PEBP4: variants seen among roughly 807,000 people sequenced by gnomAD.
PEBP4 encodes the protein phosphatidylethanolamine-binding protein 4.
A neutral mutation model predicts 23.9 loss-of-function variants in PEBP4; 22 were observed. The observed-to-expected ratio is 0.92, with a 90% confidence interval of 0.66 to 1.31. The LOEUF is 1.31. Among genes scored for constraint, PEBP4 ranks in the 40% most tolerant of loss-of-function variants. The pLI is 0.00. For missense variants in PEBP4, 324 were observed against 281.7 expected (o/e 1.15, Z -1.07); for synonymous variants, 112 against 99.3 (o/e 1.13, Z -0.76).
At chr8:22,782,610 C>T (rs985123266) in intron 4 of PEBP4, among the ~76,000 whole-genome samples, 1 of 152,200 alleles carries the variant, frequency 6.6e-6, no homozygotes, top group African/African-American at 2.4e-5. Context: ...GAGTTCTTAA[C>T]CCAGGACTCA....
chr8:22,715,280 G>C (rs888192375), intron 6 of PEBP4, among the ~76,000 whole-genome samples: 1 of 152,246 alleles, frequency 6.6e-6, no homozygotes, highest in Non-Finnish European at 1.5e-5. Context: ...AGGAGGCTCA[G>C]TGTCACCTGA....
intron 4 of PEBP4, 43 bp downstream of exon 4, chr8:22,817,594 T>C (rs1041534855): frequency 1.3e-6 from 2 of 1,560,820 alleles, no homozygotes; most frequent in South Asian, 1.1e-5. Context: ...ATCTTCCAGA[T>C]ACAACCCCAA....
At chr8:22,743,530 GC>G (rs1471986153) in intron 4 of PEBP4, among the ~76,000 whole-genome samples, 1 of 152,214 alleles carries the variant, frequency 6.6e-6, no homozygotes, top group African/African-American at 2.4e-5. Context: ...CCAGACCACA[GC>G]TGTTTGGAGT....
intron 3 of PEBP4, among the ~76,000 whole-genome samples, chr8:22,848,090 C>G (rs919322149): frequency 6.6e-6 from 1 of 152,156 alleles, no homozygotes; most frequent in Non-Finnish European, 1.5e-5. Context: ...TTTTATGCCT[C>G]ATTACCTGCA....
intron 6 of PEBP4, among the ~76,000 whole-genome samples, chr8:22,716,475 G>A (rs1330322032): frequency 1.3e-5 from 2 of 152,234 alleles, no homozygotes; most frequent in East Asian, 3.8e-4. Flanking sequence ...GGGGAAAGAT[G>A]TCCCCTGTCT....
chr8:22,748,412 C>G (rs559017552), intron 4 of PEBP4, among the ~76,000 whole-genome samples: 1 of 151,948 alleles, frequency 6.6e-6, no homozygotes, highest in Non-Finnish European at 1.5e-5. Context: ...TGCTGGGTCA[C>G]AGAACCCGCC....
intron 3 of PEBP4, among the ~76,000 whole-genome samples, chr8:22,905,613 G>A (rs186867944): frequency 9.5e-4 from 145 of 152,284 alleles, no homozygotes; most frequent in African/African-American, 3.2e-3. Flanking sequence ...TAAGCCACAC[G>A]GGCTTCAGGT....
At chr8:22,880,496 T>C (rs1262617149) in intron 3 of PEBP4, 1 of 152,236 alleles carries the variant, frequency 6.6e-6, no homozygotes, top group Non-Finnish European at 1.5e-5. Flanking sequence ...ACACTCGCAT[T>C]GACTTCTCTT....
intron 3 of PEBP4, among the ~76,000 whole-genome samples, chr8:22,848,542 C>A (rs1193200326): frequency 6.6e-6 from 1 of 152,132 alleles, no homozygotes; most frequent in Non-Finnish European, 1.5e-5. Flanking sequence ...AGGAGCTGTG[C>A]TGTCTGACGG....
intron 3 of PEBP4, among the ~76,000 whole-genome samples, chr8:22,827,092 C>T (rs1043413220): frequency 3.9e-5 from 6 of 152,204 alleles, no homozygotes; most frequent in African/African-American, 1.2e-4. Context: ...TGGAATAAGA[C>T]CCTGGGTGCT....
At chr8:22,841,926 G>GC (rs1390145940) in intron 3 of PEBP4, among the ~76,000 whole-genome samples, 2 of 152,248 alleles carry the variant, frequency 1.3e-5, no homozygotes, top group Non-Finnish European at 1.5e-5. Flanking sequence ...CAGTGCTGCT[G>GC]CAGAAAGGGC....
At chr8:22,832,699 CAGTCCTG>C (rs1233698373) in intron 3 of PEBP4, among the ~76,000 whole-genome samples, 2 of 152,202 alleles carry the variant, frequency 1.3e-5, no homozygotes, top group African/African-American at 4.8e-5. Flanking sequence ...GACATTGAGA[CAGTCCTG>C]AGTCCTAGAA....
chr8:22,754,180 G>A (rs1805327581), intron 4 of PEBP4, among the ~76,000 whole-genome samples: 1 of 152,140 alleles, frequency 6.6e-6, no homozygotes, highest in Non-Finnish European at 1.5e-5. Flanking sequence ...GTTCCTCTGG[G>A]AAGCTGCCCT....
At chr8:22,912,527 C>T (rs1808960735) in intron 3 of PEBP4, among the ~76,000 whole-genome samples, 1 of 152,210 alleles carries the variant, frequency 6.6e-6, no homozygotes. Flanking sequence ...AGGGAAGCTG[C>T]CATCCGGGGC....
At chr8:22,918,273 C>G (rs542970948) in intron 3 of PEBP4, among the ~76,000 whole-genome samples, 2 of 152,222 alleles carry the variant, frequency 1.3e-5, no homozygotes, top group East Asian at 3.9e-4. Context: ...TTTCTTCTTC[C>G]CACAGCTTCG....
chr8:22,920,429 G>A, intron 2 of PEBP4, 119 bp from the exon 3 acceptor site: 2 of 1,186,616 alleles, frequency 1.7e-6, no homozygotes, highest in East Asian at 2.5e-5. Context: ...TCCTAAACCT[G>A]CCACTAACTA....
intron 4 of PEBP4, among the ~76,000 whole-genome samples, chr8:22,795,111 TTATATA>T (rs10625045): frequency 7.7e-6 from 1 of 130,136 alleles, no homozygotes. Flanking sequence ...TTAAATTATT[TTATATA>T]TATGTGTGTA....
At chr8:22,859,509 G>A (rs1405815122) in intron 3 of PEBP4, among the ~76,000 whole-genome samples, 2 of 152,140 alleles carry the variant, frequency 1.3e-5, no homozygotes, top group Non-Finnish European at 2.9e-5. Context: ...GATGAGCCTC[G>A]GGACCTATTT....
At position 22,875,208 on chromosome 8, in the gene PEBP4, G is replaced by T. The variant is rs1424617780; in HGVS notation, c.258+44976C>A. Among the ~76,000 whole-genome samples, 5 of 151,422 alleles carry T rather than the reference G, an allele frequency of 3.3e-5. No individual in the cohort carries two copies. In the South Asian group the frequency reaches 1.0e-3, roughly 32 times the overall value. On this transcript the variant is annotated intron_variant, in intron 3 of 6. Transcript: ENST00000256404. ...AGTTGCAAGCTCAACACAATTCCCT[G>T]CTCACAAAAAGGGAACTCACTCCTT...
Sources: allele counts gnomAD v4.1 joint callset (sites outside exome capture counted in the v4.1 genomes callset), GRCh38; gene constraint gnomAD v4.1.1; transcripts MANE v1.5; gene names NCBI Gene and HGNC (gene_info 2026-07-23, HGNC 2026-07-21).